Variants in ROBO1 observed in about 807,000 individuals in gnomAD.
The protein encoded by ROBO1 is roundabout homolog 1.
A neutral mutation model predicts 195.9 loss-of-function variants in ROBO1; 149 were observed. That is an observed-to-expected ratio of 0.76 (90% confidence interval 0.67 to 0.87). The LOEUF (loss-of-function observed/expected upper bound fraction) is 0.87, where lower values mean the gene tolerates loss of function less well. Ranked by LOEUF, ROBO1 falls within the 40% of genes least tolerant of loss-of-function variation. ROBO1 has a pLI of 0.00. For missense variants in ROBO1, 1,933 were observed against 2,068.3 expected (o/e 0.93, Z 1.27); for synonymous variants, 816 against 733.2 (o/e 1.11, Z -1.82).
chr3:79,138,857 T>C (rs1431450799), intron 2 of ROBO1, among the ~76,000 whole-genome samples: 1 of 151,926 alleles, frequency 6.6e-6, no homozygotes, highest in African/African-American at 2.4e-5. Context: ...TATAGATATA[T>C]TCTGATTTGA....
intron 2 of ROBO1, among the ~76,000 whole-genome samples, chr3:79,258,456 T>C (rs1342875798): frequency 6.6e-6 from 1 of 152,232 alleles, no homozygotes; most frequent in Admixed American, 6.5e-5. Flanking sequence ...TTCTGCTTTT[T>C]CCTTCACATT....
chr3:79,646,921 G>C (rs1164986067), intron 1 of ROBO1, among the ~76,000 whole-genome samples: 1 of 152,016 alleles, frequency 6.6e-6, no homozygotes, highest in Non-Finnish European at 1.5e-5. Flanking sequence ...AAGAGGGAAA[G>C]GGGATAAAGA....
At chr3:79,209,175 CACCAA>C (rs2081926418) in intron 2 of ROBO1, among the ~76,000 whole-genome samples, 1 of 152,150 alleles carries the variant, frequency 6.6e-6, no homozygotes, top group Non-Finnish European at 1.5e-5. Flanking sequence ...TGTCCTTCCA[CACCAA>C]GTCCCCAAAG....
chr3:79,056,822 T>C (rs2078818590), intron 3 of ROBO1, among the ~76,000 whole-genome samples: 1 of 152,084 alleles, frequency 6.6e-6, no homozygotes, highest in Admixed American at 6.6e-5. Context: ...TTCAACATAA[T>C]GATTTAGTAG....
chr3:78,763,032 T>C (rs2083144684), intron 4 of ROBO1, among the ~76,000 whole-genome samples: 1 of 152,162 alleles, frequency 6.6e-6, no homozygotes, highest in South Asian at 2.1e-4. Flanking sequence ...GCACTTATTT[T>C]ATTCCTAAAC....
chr3:79,039,359 A>C lies in ROBO1; in HGVS notation c.172+86097T>G, dbSNP rs145657079. ...CTGAGAAATTCAGCGTTAAAGCTAA[A>C]GTGTTACGTAATTTTAGAATTGAAT... On this transcript the variant is annotated intron_variant, in intron 3 of 30. Coordinates refer to ENST00000464233, the MANE Select transcript of ROBO1 (RefSeq NM_002941.4). Among the ~76,000 whole-genome samples the C allele has an allele frequency of 6.4e-4, 98 of 152,302 alleles. 2 individuals are homozygous for C. The highest frequency in any genetic ancestry group is 2.3e-3 in the African/African-American group (95 of 41,568).
chr3:79,532,158 T>C (rs913314981), intron 2 of ROBO1, among the ~76,000 whole-genome samples: 8 of 152,178 alleles, frequency 5.3e-5, no homozygotes, highest in South Asian at 2.1e-4. Context: ...GTCCTAGACA[T>C]GTTGAACATT....
At chr3:79,736,234 G>A (rs953546329) in intron 1 of ROBO1, among the ~76,000 whole-genome samples, 3 of 152,172 alleles carry the variant, frequency 2.0e-5, no homozygotes, top group Non-Finnish European at 4.4e-5. Flanking sequence ...GGAGCTTGAT[G>A]CATCCAAAGG....
At position 78,806,276 on chromosome 3, in the gene ROBO1, C is replaced by T. The variant is rs535643534; in HGVS notation, c.500-59376G>A. The stretch of plus-strand genomic sequence containing the variant: ...GGCATGCACCACCTTGCCTGGTCTG[C>T]TCTCTCTAATTTTGAAATTATTTGT... On this transcript the variant is annotated intron_variant, in intron 4 of 30. Transcript: ENST00000464233. 5.9e-5 allele frequency among the ~76,000 whole-genome samples: 9 copies of T among 152,222 alleles called. No individual in the cohort carries two copies. In the South Asian group the frequency reaches 1.9e-3, roughly 32 times the overall value.
Position 78,782,240 on chromosome 3 carries a change from A to G in ROBO1, c.500-35340T>C, listed in dbSNP as rs182894345. ...GAGACAGAGTCTTGCACTGTTGTCC[A>G]GACTGGAGTGTAGCAGTACAGTCTC... On this transcript the variant is annotated intron_variant, in intron 4 of 30. Coordinates refer to ENST00000464233, the MANE Select transcript of ROBO1 (RefSeq NM_002941.4). Among the ~76,000 whole-genome samples, 427 of 151,916 alleles carry G rather than the reference A, an allele frequency of 2.8e-3. 1 individual carries two copies. The highest frequency in any genetic ancestry group is 0.014 in the Middle Eastern group (4 of 294).
intron 1 of ROBO1, among the ~76,000 whole-genome samples, chr3:79,706,072 C>T (rs1947761000): frequency 6.6e-6 from 1 of 152,020 alleles, no homozygotes; most frequent in Non-Finnish European, 1.5e-5. Flanking sequence ...GATTCTTCCA[C>T]ATTTTCTATA....
At chr3:78,664,030 C>A (rs558064935) in intron 14 of ROBO1, among the ~76,000 whole-genome samples, 2 of 152,244 alleles carry the variant, frequency 1.3e-5, no homozygotes, top group East Asian at 3.9e-4. Context: ...TTGCTAGATT[C>A]TCCCACCTAG....
chr3:79,718,833 T>G (rs1702590062), intron 1 of ROBO1, among the ~76,000 whole-genome samples: 1 of 152,052 alleles, frequency 6.6e-6, no homozygotes, highest in Admixed American at 6.5e-5. Flanking sequence ...CATTATATAT[T>G]TATGGCTAAA....
At chr3:79,112,365 G>A (rs1349986493) in intron 3 of ROBO1, among the ~76,000 whole-genome samples, 1 of 152,036 alleles carries the variant, frequency 6.6e-6, no homozygotes, top group Non-Finnish European at 1.5e-5. Flanking sequence ...GTTCTTTGTT[G>A]GCTAGGGTGA....
At chr3:79,682,580 T>C (rs1041070136) in intron 1 of ROBO1, among the ~76,000 whole-genome samples, 4 of 152,042 alleles carry the variant, frequency 2.6e-5, no homozygotes, top group East Asian at 1.9e-4. Flanking sequence ...ACTTCTAATG[T>C]CTACTTGTCA....
chr3:78,653,914 A>T (rs1706834995), intron 18 of ROBO1, among the ~76,000 whole-genome samples: 1 of 152,224 alleles, frequency 6.6e-6, no homozygotes. Flanking sequence ...CAAATTCTCC[A>T]AAGCCCCGTC....
chr3:79,091,425 T>TA (rs2079478171), intron 3 of ROBO1, among the ~76,000 whole-genome samples: 1 of 152,088 alleles, frequency 6.6e-6, no homozygotes, highest in Non-Finnish European at 1.5e-5. Flanking sequence ...ACATTCTAGA[T>TA]AAAGTATAAA....
At chr3:79,672,834 C>T (rs1946669467) in intron 1 of ROBO1, among the ~76,000 whole-genome samples, 1 of 151,874 alleles carries the variant, frequency 6.6e-6, no homozygotes, top group African/African-American at 2.4e-5. Context: ...AACACCTGGG[C>T]CCATCTGTGA....
At chr3:79,570,490 C>T (rs948792629) in intron 2 of ROBO1, among the ~76,000 whole-genome samples, 11 of 151,782 alleles carry the variant, frequency 7.2e-5, no homozygotes, top group East Asian at 1.9e-4. Context: ...GAAGCATGGA[C>T]AAGGGAATGT....
Sources: allele counts gnomAD v4.1 joint callset (sites outside exome capture counted in the v4.1 genomes callset), GRCh38; gene constraint gnomAD v4.1.1; transcripts MANE v1.5; gene names NCBI Gene and HGNC (gene_info 2026-07-23, HGNC 2026-07-21).